CIMIP6: variants seen among roughly 807,000 people sequenced by gnomAD.
CIMIP6 encodes the protein ciliary microtubule inner protein 6.
At chr2:54,336,249 T>A in the CIMIP6 span, among the ~76,000 whole-genome samples, 1 of 152,214 alleles carries the variant, frequency 6.6e-6, no homozygotes, top group Non-Finnish European at 1.5e-5. Context: ...AGTTCCCCTA[T>A]GCCCTTTTGT....
chr2:54,349,573 G>T, the CIMIP6 span, among the ~76,000 whole-genome samples: 1 of 152,148 alleles, frequency 6.6e-6, no homozygotes, highest in African/African-American at 2.4e-5. Context: ...ATTTTTTGCA[G>T]TTCTCATCAA....
the CIMIP6 span, among the ~76,000 whole-genome samples, chr2:54,373,414 C>G: frequency 1.0e-3 from 152 of 152,240 alleles, 7 homozygotes; most frequent in East Asian, 0.027. Context: ...AGCTCCCCCT[C>G]CAACCCCGCA....
chr2:54,332,296 T>C, the CIMIP6 span, among the ~76,000 whole-genome samples: 2 of 152,228 alleles, frequency 1.3e-5, no homozygotes, highest in African/African-American at 4.8e-5. Flanking sequence ...TTTATTATTG[T>C]CCTTAGCACT....
the CIMIP6 span, among the ~76,000 whole-genome samples, chr2:54,379,624 C>T: frequency 2.0e-5 from 3 of 151,502 alleles, no homozygotes; most frequent in African/African-American, 4.9e-5. Context: ...ATTCCTTGAG[C>T]CCAGGAGTTT....
chr2:54,371,071 A>G, the CIMIP6 span, among the ~76,000 whole-genome samples: 2 of 152,230 alleles, frequency 1.3e-5, no homozygotes, highest in African/African-American at 4.8e-5. Context: ...ACAGAAAGCT[A>G]CAGACACTGT....
chr2:54,373,622 C>G, the CIMIP6 span, among the ~76,000 whole-genome samples: 1 of 152,148 alleles, frequency 6.6e-6, no homozygotes, highest in Non-Finnish European at 1.5e-5. Context: ...TATAATTAGT[C>G]TTCTTAAATT....
At chr2:54,357,536 G>A in the CIMIP6 span, among the ~76,000 whole-genome samples, 4 of 150,614 alleles carry the variant, frequency 2.7e-5, no homozygotes, top group Admixed American at 6.6e-5. Context: ...TTGTTACATA[G>A]CATTTCACAG....
At chr2:54,337,349 T>C in the CIMIP6 span, among the ~76,000 whole-genome samples, 1 of 152,216 alleles carries the variant, frequency 6.6e-6, no homozygotes, top group Non-Finnish European at 1.5e-5. Flanking sequence ...AGGGCCATAT[T>C]GAGGGTACTT....
the CIMIP6 span, among the ~76,000 whole-genome samples, chr2:54,373,389 T>A: frequency 6.6e-6 from 1 of 152,060 alleles, no homozygotes; most frequent in Non-Finnish European, 1.5e-5. Context: ...CTAGTGCCGA[T>A]ATCACCCTCT....
chr2:54,343,857 G>A, the CIMIP6 span: 2 of 1,601,442 alleles, frequency 1.2e-6, no homozygotes, highest in African/African-American at 1.3e-5. Context: ...AGATGCAAAA[G>A]CCTTCTTGTG....
At chr2:54,354,756 A>G in the CIMIP6 span, among the ~76,000 whole-genome samples, 1 of 151,890 alleles carries the variant, frequency 6.6e-6, no homozygotes, top group South Asian at 2.1e-4. Flanking sequence ...TCAGGTAATT[A>G]TATTACCTAC....
At chr2:54,373,612 T>A in the CIMIP6 span, among the ~76,000 whole-genome samples, 1 of 152,142 alleles carries the variant, frequency 6.6e-6, no homozygotes, top group Non-Finnish European at 1.5e-5. Context: ...TTCACCCTAG[T>A]ATAATTAGTC....
chr2:54,358,822 A>G, the CIMIP6 span: 1 of 490,440 alleles, frequency 2.0e-6, no homozygotes, highest in Non-Finnish European at 3.6e-6. Context: ...CATTCTATTT[A>G]TTATTTAGAT....
chr2:54,364,040 G>C, the CIMIP6 span, among the ~76,000 whole-genome samples: 7 of 152,138 alleles, frequency 4.6e-5, no homozygotes, highest in Non-Finnish European at 1.0e-4. Flanking sequence ...AAAAGTTTAT[G>C]GTTCCTCACA....
At chr2:54,363,779 T>C in the CIMIP6 span, among the ~76,000 whole-genome samples, 11 of 152,222 alleles carry the variant, frequency 7.2e-5, no homozygotes, top group Non-Finnish European at 1.6e-4. Flanking sequence ...CAGTCCACCA[T>C]CTTGAGTCAA....
the CIMIP6 span, among the ~76,000 whole-genome samples, chr2:54,380,630 C>A: frequency 2.0e-5 from 3 of 152,216 alleles, no homozygotes; most frequent in South Asian, 2.1e-4. Context: ...TACAGGGAGA[C>A]CTTGTGCTGA....
At chr2:54,349,843 A>G in the CIMIP6 span, among the ~76,000 whole-genome samples, 2 of 151,132 alleles carry the variant, frequency 1.3e-5, no homozygotes, top group South Asian at 2.1e-4. Flanking sequence ...GTGATGAAAA[A>G]GAAATCTTTT....
At chr2:54,356,640 T>C in the CIMIP6 span, among the ~76,000 whole-genome samples, 10 of 152,290 alleles carry the variant, frequency 6.6e-5, no homozygotes, top group East Asian at 1.9e-3. Flanking sequence ...GACTCCATAA[T>C]TTGACCCTAG....
chr2:54,336,150 T>C, the CIMIP6 span, among the ~76,000 whole-genome samples: 1 of 152,178 alleles, frequency 6.6e-6, no homozygotes, highest in African/African-American at 2.4e-5. Flanking sequence ...GTTACCCTTA[T>C]ATAGTGTATA....
Sources: gnomAD v4.1 joint callset for allele counts (sites outside exome capture counted in the v4.1 genomes callset) on GRCh38, gnomAD v4.1.1 for gene constraint, MANE v1.5 for transcripts, NCBI Gene and HGNC (gene_info 2026-07-23, HGNC 2026-07-21) for gene names.